HEYL: variants seen among roughly 807,000 people sequenced by gnomAD.
HEYL encodes hes related family bHLH transcription factor with YRPW motif like.
HEYL carries 12 observed loss-of-function variants against 18.6 expected under a neutral mutation model. The observed-to-expected ratio is 0.65, with a 90% CI of 0.41 to 1.05. The LOEUF is 1.05. HEYL is among the 50% of genes least tolerant of loss of function. The pLI, the probability that HEYL is intolerant of heterozygous loss-of-function variation, is 0.00. For missense variants in HEYL, 420 were observed against 444.7 expected (o/e 0.94, Z 0.50); for synonymous variants, 159 against 179.6 (o/e 0.89, Z 0.91).
intron 1 of HEYL, 55 bp downstream of exon 1, chr1:39,639,491 C>G: frequency 4.8e-6 from 7 of 1,455,792 alleles, no homozygotes; most frequent in Non-Finnish European, 6.5e-6. Flanking sequence ...CCCGTCGGGC[C>G]GACCCCCACC....
chr1:39,627,713 G>T (rs989433223), intron 4 of HEYL, among the ~76,000 whole-genome samples: 2 of 152,232 alleles, frequency 1.3e-5, no homozygotes, highest in African/African-American at 4.8e-5. Flanking sequence ...TTAACTAGCT[G>T]CCTGATTGTG....
At chr1:39,633,051 G>A (rs1646343746) in intron 1 of HEYL, 2 of 972,546 alleles carry the variant, frequency 2.1e-6, no homozygotes, top group South Asian at 9.5e-5. Context: ...GGCACTGGCC[G>A]GCGGCGGCGG....
rs371911261 is a variant in HEYL at position 39,627,005 on chromosome 1, C to A, written c.489G>T (p.Ser163=). ...AGGCCAAAGGGCCAGTGGGCGTGGG[C>A]GAAGGCTCCATCTCGGCTGCGTAGC... ...LNSYAAEMEP[S]PTPTGPLAFP... The change falls in exon 5 of 5, where the codon TCG becomes TCT. Residue 163 remains serine (S), a synonymous_variant. Coordinates refer to ENST00000372852, the MANE Select transcript of HEYL (RefSeq NM_014571.4). The A allele has an allele frequency of 3.1e-5, 50 of 1,613,990 alleles. No individual in the cohort carries two copies. The highest frequency in any genetic ancestry group is 3.7e-5 in the Non-Finnish European group (44 of 1,180,012).
chr1:39,626,195 T>G lies in HEYL; in HGVS notation c.*312A>C, dbSNP rs1646295862. 1 of 296,434 alleles carries G rather than the reference T, an allele frequency of 3.4e-6. No individual in the cohort carries two copies. The highest frequency in any genetic ancestry group is 2.2e-5 in the African/African-American group (1 of 46,204). The allele number at this position is 296,434 out of a possible 1,614,324, so 18.4% of individuals were successfully genotyped here. ...TCCCAGACCCAAGGTTCATGCCTGCTGCTGGTGTGCAGAGGGCAGGAGAGG... is the reference window on the plus strand; with the variant it reads ...TCCCAGACCCAAGGTTCATGCCTGCGGCTGGTGTGCAGAGGGCAGGAGAGG... On this transcript the variant is annotated 3_prime_UTR_variant, in exon 5 of 5. Coordinates refer to ENST00000372852, the MANE Select transcript of HEYL (RefSeq NM_014571.4).
In HEYL at chr1:39,623,952, C is replaced by T. The variant is rs531931512; in HGVS notation, c.*2555G>A. 3.3e-5 allele frequency among the ~76,000 whole-genome samples: 5 copies of T among 152,184 alleles called. No individual in the cohort carries two copies. Among genetic ancestry groups the T allele is most frequent in the Non-Finnish European group, 7.3e-5 (5 of 68,036 alleles). On this transcript the variant is annotated 3_prime_UTR_variant, in exon 5 of 5. Transcript: ENST00000372852. The stretch of plus-strand genomic sequence containing the variant: ...AGGGTAAGAGAGTGAGGTTTTCAAA[C>T]TAAAGATGATACGATATGACCTGCA...
intron 3 of HEYL, among the ~76,000 whole-genome samples, chr1:39,630,724 G>A (rs1188478912): frequency 6.6e-6 from 1 of 152,186 alleles, no homozygotes; most frequent in East Asian, 1.9e-4. Context: ...GCTCTTCAGG[G>A]AATCCAACTT....
chr1:39,626,870 G>GTA lies in HEYL; in HGVS notation c.623_624insTA (p.Ser209ThrfsTer44), dbSNP rs1557736413. The GTA allele has an allele frequency of 1.3e-6, 2 of 1,595,050 alleles. No individual in the cohort carries two copies. Among genetic ancestry groups the GTA allele is most frequent in the African/African-American group, 2.7e-5 (2 of 74,626 alleles). On this transcript the variant is annotated frameshift_variant, in exon 5 of 5. Transcript: ENST00000372852. LOFTEE classifies it low-confidence loss of function (END_TRUNC). ...GGGCTGGGATGGGGTAAGCAGGAGA[G>GTA]GAGACACCGGGGAGGACAGGGCTGG... is the stretch of plus-strand genomic sequence containing the variant.
At chr1:39,638,118 A>G (rs753857537) in intron 1 of HEYL, among the ~76,000 whole-genome samples, 7 of 152,334 alleles carry the variant, frequency 4.6e-5, no homozygotes, top group Middle Eastern at 3.4e-3. Context: ...CTGCTAAACA[A>G]TTAAGAAAGG....
At position 39,626,721 on chromosome 1, in the gene HEYL, A is replaced by G. The variant is rs1418233505; in HGVS notation, c.773T>C (p.Val258Ala). ...AGCCCTGCTGCTGGGGGCGACAGGC[A>G]CAGGGGTCGCTGGCCTCTCTAGGGG... ...ARPLERPATP[V>A]PVAPSSRAAR... Residue 258 changes from valine (V) to alanine (A), a missense_variant, in exon 5 of 5, where the codon GTG becomes GCG. Physicochemically the swap from Val to Ala is moderately conservative, Grantham distance 64 (BLOSUM62 0). Transcript: ENST00000372852. The G allele has an allele frequency of 2.6e-6, 4 of 1,509,962 alleles. No homozygotes were observed. The highest frequency in any genetic ancestry group is 4.4e-5 in the Admixed American group (2 of 45,918). The allele number at this position is 1,509,962 out of a possible 1,614,324, so 93.5% of individuals were successfully genotyped here.
rs1183609766 is a variant in HEYL, at chr1:39,626,604, G to T, written c.890C>A (p.Thr297Asn). 1.3e-6 allele frequency: 2 copies of T among 1,555,586 alleles called. No homozygotes were observed. The highest frequency in any genetic ancestry group is 1.4e-5 in the African/African-American group (1 of 73,294). The change falls in exon 5 of 5, where the codon ACC becomes AAC. Residue 297 changes from threonine (T) to asparagine (N), a missense_variant. Coordinates refer to ENST00000372852, the MANE Select transcript of HEYL (RefSeq NM_014571.4). ...TGSAAYVAVP[T>N]PNSSSPGPAG... Reference sequence around the variant, plus strand: ...TGGCCCTGGGGAGGATGAGTTGGGGGTGGGAACAGCCACGTAAGCAGCCGA... The same window carrying T: ...TGGCCCTGGGGAGGATGAGTTGGGGTTGGGAACAGCCACGTAAGCAGCCGA...
At chr1:39,636,882 G>T (rs1469201212) in intron 1 of HEYL, among the ~76,000 whole-genome samples, 1 of 152,188 alleles carries the variant, frequency 6.6e-6, no homozygotes, top group African/African-American at 2.4e-5. Context: ...AATGGTGACC[G>T]CTTTGACAGC....
chr1:39,627,153 A>T lies in HEYL; in HGVS notation c.341T>A (p.Val114Asp), dbSNP rs1307488048. The change falls in exon 5 of 5, where the codon GTT becomes GAT. Residue 114 changes from valine (V) to aspartate (D), a missense_variant. Physicochemically the swap from Val to Asp is radical, Grantham distance 152. Coordinates refer to ENST00000372852, the MANE Select transcript of HEYL (RefSeq NM_014571.4). ...TGFFDARALAVDFRSIGFREC... is the reference protein window; with the variant it reads ...TGFFDARALADDFRSIGFREC... ...CCGAAAACCAATGCTCCGGAAGTCA[A>T]CTGCCAGGGCTCGGGCATCAAAGAA... is the stretch of plus-strand genomic sequence containing the variant. 6.2e-7 allele frequency: 1 copy of T among 1,613,124 alleles called. No individual in the cohort carries two copies. Among genetic ancestry groups the T allele is most frequent in the Non-Finnish European group, 8.5e-7 (1 of 1,179,196 alleles).
At chr1:39,632,988 G>C (rs1047795633) in intron 1 of HEYL, 1 of 975,064 alleles carries the variant, frequency 1.0e-6, no homozygotes, top group African/African-American at 1.8e-5. Context: ...CGCGTACCGC[G>C]GCGCGGTGGC....
rs1366195442 is a variant in HEYL at position 39,624,848 on chromosome 1, T to C, written c.*1659A>G. 2 of 152,234 alleles carry C rather than the reference T, an allele frequency of 1.3e-5. No individual in the cohort carries two copies. Among genetic ancestry groups the C allele is most frequent in the Non-Finnish European group, 2.9e-5 (2 of 68,056 alleles). The allele number at this position is 152,234 out of a possible 1,614,324, so 9.4% of individuals were successfully genotyped here. A position where few individuals can be genotyped will look rare whatever the true frequency, so the allele number is the denominator to read the frequency against. On this transcript the variant is annotated 3_prime_UTR_variant, in exon 5 of 5. Transcript: ENST00000372852. Reference sequence around the variant, plus strand: ...TCTTTATCTCTCCTTGAGGAGTCTGTCTTTTCAAAAGAGCTTTCTGGGTCA... The same window carrying C: ...TCTTTATCTCTCCTTGAGGAGTCTGCCTTTTCAAAAGAGCTTTCTGGGTCA...
intron 4 of HEYL, among the ~76,000 whole-genome samples, chr1:39,628,310 C>T (rs966803497): frequency 2.0e-5 from 3 of 152,162 alleles, no homozygotes; most frequent in African/African-American, 7.2e-5. Context: ...GATGGAGTCT[C>T]GCTCTGTCCC....
intron 1 of HEYL, among the ~76,000 whole-genome samples, chr1:39,635,992 C>T (rs891199473): frequency 8.5e-5 from 13 of 152,194 alleles, no homozygotes; most frequent in African/African-American, 1.2e-4. Flanking sequence ...AATTCTGGGG[C>T]GGTCTCTTAT....
chr1:39,638,746 G>T (rs1330686195), intron 1 of HEYL, among the ~76,000 whole-genome samples: 3 of 152,186 alleles, frequency 2.0e-5, no homozygotes, highest in Non-Finnish European at 4.4e-5. Context: ...CATGTGCTGT[G>T]CTAAGCCCTT....
chr1:39,628,799 T>G (rs187412869), intron 4 of HEYL, among the ~76,000 whole-genome samples: 6 of 152,036 alleles, frequency 3.9e-5, no homozygotes, highest in South Asian at 2.1e-4. Context: ...AGATGGGGTT[T>G]CACCGTGTTA....
chr1:39,634,949 T>C (rs1646355078), intron 1 of HEYL, among the ~76,000 whole-genome samples: 1 of 152,232 alleles, frequency 6.6e-6, no homozygotes, highest in Non-Finnish European at 1.5e-5. Context: ...ATAAAATCTA[T>C]GGCCTAGGAC....
Sources: allele counts gnomAD v4.1 joint callset (sites outside exome capture counted in the v4.1 genomes callset), GRCh38; gene constraint gnomAD v4.1.1; transcripts MANE v1.5; gene names NCBI Gene and HGNC (gene_info 2026-07-23, HGNC 2026-07-21).